KCNG2: variants seen among roughly 807,000 people sequenced by gnomAD.
KCNG2 encodes the protein potassium voltage-gated channel modifier subfamily G member 2.
A neutral mutation model predicts 12.3 loss-of-function variants in KCNG2; 7 were observed. The ratio of observed to expected loss-of-function variants is 0.57; its 90% CI spans 0.32 to 1.07. The LOEUF is 1.07. Ranked by LOEUF, KCNG2 falls within the 50% of genes least tolerant of loss-of-function variation. KCNG2 has a pLI of 0.04. For missense variants in KCNG2, 703 were observed against 726.0 expected, an observed-to-expected ratio of 0.97 and a Z score of 0.36; for synonymous variants, 414 against 351.4, an observed-to-expected ratio of 1.18 and a Z score of -1.99.
At chr18:79,858,282 G>A (rs541511494) in intron 2 of KCNG2, among the ~76,000 whole-genome samples, 3 of 152,326 alleles carry the variant, frequency 2.0e-5, no homozygotes, top group Admixed American at 6.5e-5. Flanking sequence ...GATTACAGGC[G>A]TGAGCCACCG....
chr18:79,888,246 C>T (rs35888001), intron 3 of KCNG2, among the ~76,000 whole-genome samples: 10,090 of 152,222 alleles, frequency 0.066, 410 homozygotes, highest in East Asian at 0.14. Flanking sequence ...TGGGGTGGCA[C>T]GCTGGGACCA....
chr18:79,847,825 C>T (rs1978675830), intron 1 of KCNG2, among the ~76,000 whole-genome samples: 1 of 152,172 alleles, frequency 6.6e-6, no homozygotes, highest in Non-Finnish European at 1.5e-5. Flanking sequence ...TCCCCTGGGC[C>T]GGGCTCATGA....
At chr18:79,857,257 C>CT (rs1217438432) in intron 2 of KCNG2, among the ~76,000 whole-genome samples, 1 of 150,272 alleles carries the variant, frequency 6.7e-6, no homozygotes, top group Non-Finnish European at 1.5e-5. Context: ...CGTCCCCCCT[C>CT]TTCTCATGCA....
chr18:79,844,334 C>T (rs1476878061), intron 1 of KCNG2, among the ~76,000 whole-genome samples: 5 of 151,976 alleles, frequency 3.3e-5, no homozygotes, highest in Non-Finnish European at 5.9e-5. Flanking sequence ...TGATCTCACT[C>T]GTATGTGGAA....
chr18:79,873,528 G>A (rs1979945605), intron 3 of KCNG2, among the ~76,000 whole-genome samples: 1 of 151,770 alleles, frequency 6.6e-6, no homozygotes, highest in East Asian at 1.9e-4. Context: ...ATGCAGCTGT[G>A]AGGGGCGTCG....
chr18:79,834,935 C>G (rs1268949522), intron 1 of KCNG2, among the ~76,000 whole-genome samples: 1 of 152,218 alleles, frequency 6.6e-6, no homozygotes, highest in Admixed American at 6.5e-5. Flanking sequence ...GAGTATTTCC[C>G]TCTTGTTTAT....
intron 3 of KCNG2, among the ~76,000 whole-genome samples, chr18:79,873,426 TCC>T (rs138533244): frequency 1.3e-3 from 114 of 86,712 alleles, no homozygotes; most frequent in Middle Eastern, 8.8e-3. Context: ...CCGGCCCCCC[TCC>T]CCCCCCCCCA....
At chr18:79,890,861 A>C (rs1391580153) in intron 3 of KCNG2, among the ~76,000 whole-genome samples, 2 of 152,238 alleles carry the variant, frequency 1.3e-5, no homozygotes, top group African/African-American at 2.4e-5. Context: ...GATTATTCAC[A>C]GTGCTGCTTT....
chr18:79,812,728 G>A (rs1007295248), intron 1 of KCNG2, among the ~76,000 whole-genome samples: 4 of 152,126 alleles, frequency 2.6e-5, no homozygotes, highest in Non-Finnish European at 5.9e-5. Context: ...AGGCGTGGTG[G>A]TGCGCACCTG....
intron 1 of KCNG2, among the ~76,000 whole-genome samples, chr18:79,829,587 A>G (rs1226237525): frequency 2.0e-5 from 3 of 151,720 alleles, no homozygotes; most frequent in African/African-American, 7.3e-5. Context: ...ATGGCTGGTC[A>G]GTCTCTGCCT....
rs1417375971 is a variant in KCNG2 at position 79,899,560 on chromosome 18, G to A, written c.1145G>A (p.Gly382Glu). Residue 382 changes from glycine (G) to glutamate (E), a missense_variant, in exon 4 of 4, where the codon GGG becomes GAG. Physicochemically the swap from Gly to Glu is moderately conservative, Grantham distance 98. Coordinates refer to ENST00000316249, the MANE Select transcript of KCNG2 (RefSeq NM_012283.2). ...GACATGGTCCCGCGCAGCCTGCCCG[G>A]GCAGGTGGTGGCGCTCAGCAGCATC... ...YGDMVPRSLP[G>E]QVVALSSILS... 1 of 1,601,150 alleles carries A rather than the reference G, an allele frequency of 6.2e-7. No homozygotes were observed. The highest frequency in any genetic ancestry group is 8.5e-7 in the Non-Finnish European group (1 of 1,174,454).
At chr18:79,840,302 A>C (rs1978420112) in intron 1 of KCNG2, among the ~76,000 whole-genome samples, 1 of 152,236 alleles carries the variant, frequency 6.6e-6, no homozygotes, top group Admixed American at 6.5e-5. Context: ...TAAACATACA[A>C]AATCAATACA....
chr18:79,854,526 T>C (rs1978939897), intron 1 of KCNG2, among the ~76,000 whole-genome samples: 2 of 59,294 alleles, frequency 3.4e-5, no homozygotes, highest in Non-Finnish European at 4.4e-5. Flanking sequence ...TTGCCTTTCA[T>C]TGGCTTTTTT....
intron 1 of KCNG2, among the ~76,000 whole-genome samples, chr18:79,831,684 C>A (rs1178725810): frequency 1.6e-5 from 2 of 126,410 alleles, no homozygotes; most frequent in African/African-American, 2.9e-5. Flanking sequence ...GGGTTCCCTG[C>A]GGACAGAGCC....
Position 79,807,845 on chromosome 18 carries a change from G to T in KCNG2, c.-115+9831G>T, listed in dbSNP as rs377424184. Among the ~76,000 whole-genome samples, 104 of 51,896 alleles carry T rather than the reference G, an allele frequency of 2.0e-3. 3 individuals carry two copies. The highest frequency in any genetic ancestry group is 3.0e-3 in the East Asian group (5 of 1,650). The allele number at this position is 51,896 out of a possible 152,430, so 34.0% of individuals were successfully genotyped here. A position where few individuals can be genotyped will look rare whatever the true frequency, so the allele number is the denominator to read the frequency against. ...CGCGCTCTGAGGAGCTGCCGGGGCC[G>T]CGCTGACCACACTCCACGTTATGGG... is the stretch of plus-strand genomic sequence containing the variant. On this transcript the variant is annotated intron_variant, in intron 1 of 3. Transcript: ENST00000316249.
rs551232441 is a variant in KCNG2 at position 79,809,996 on chromosome 18, C to T, written c.-115+11982C>T. Among the ~76,000 whole-genome samples, 8 of 152,344 alleles carry T rather than the reference C, an allele frequency of 5.3e-5. No homozygotes were observed. The East Asian group carries it at 1.5e-3, about 29-fold the overall frequency. ...GTTTGGCTGTGGGTTCTGGTCTCAG[C>T]GCCGTCCACAGGGCCAGCCTCGCGG... On this transcript the variant is annotated intron_variant, in intron 1 of 3. Coordinates refer to ENST00000316249, the MANE Select transcript of KCNG2 (RefSeq NM_012283.2).
chr18:79,866,675 G>T, intron 3 of KCNG2, among the ~76,000 whole-genome samples: 1 of 59,226 alleles, frequency 1.7e-5, no homozygotes, highest in Non-Finnish European at 5.1e-5. Context: ...TCTGGGTGCT[G>T]AGAGGTCTGG....
intron 1 of KCNG2, among the ~76,000 whole-genome samples, chr18:79,819,769 C>T (rs557978918): frequency 1.1e-4 from 16 of 152,342 alleles, no homozygotes; most frequent in African/African-American, 3.1e-4. Context: ...GAATTCCAAC[C>T]GCCGTGCTGT....
intron 3 of KCNG2, among the ~76,000 whole-genome samples, chr18:79,883,867 C>A (rs1052499264): frequency 6.6e-6 from 1 of 152,180 alleles, no homozygotes; most frequent in Non-Finnish European, 1.5e-5. Flanking sequence ...CCCGTCATGG[C>A]GGCTGCAGCC....
Sources: allele counts gnomAD v4.1 joint callset (sites outside exome capture counted in the v4.1 genomes callset), GRCh38; gene constraint gnomAD v4.1.1; transcripts MANE v1.5; gene names NCBI Gene and HGNC (gene_info 2026-07-23, HGNC 2026-07-21).